The following RNGTT variants were observed in gnomAD, a reference collection of about 807,000 sequenced individuals.
RNGTT encodes mRNA-capping enzyme.
In RNGTT, 33 loss-of-function variants were observed where a neutral mutation model predicts 79.3. The ratio of observed to expected loss-of-function variants is 0.42; its 90% confidence interval spans 0.32 to 0.56. The LOEUF is 0.56. Among genes scored for constraint, RNGTT ranks in the 20% least tolerant of loss-of-function variants. The pLI is 0.17. For synonymous variants in RNGTT, 222 were observed against 235.9 expected, an observed-to-expected ratio of 0.94 and a Z score of 0.54; for missense variants, 497 against 739.1, an observed-to-expected ratio of 0.67 and a Z score of 3.80.
chr6:88,658,443 G>A (rs1190559038), intron 14 of RNGTT, among the ~76,000 whole-genome samples: 1 of 152,186 alleles, frequency 6.6e-6, no homozygotes, highest in Non-Finnish European at 1.5e-5. Flanking sequence ...ACACTCCCCA[G>A]CACTAGCCAG....
chr6:88,853,737 A>G lies in RNGTT; in HGVS notation c.924T>C (p.Asn308=), dbSNP rs749566754. Residue 308 remains asparagine (N), a synonymous_variant, in exon 9 of 16, where the codon AAT becomes AAC. Coordinates refer to ENST00000369485, the MANE Select transcript of RNGTT (RefSeq NM_003800.5). ...TRYMMLIDGT[N]EVFMIDRDNS... ...TGTCTCTATCAATCATAAAAACTTC[A>G]TTTGTGCCATCAATCAACATCATGT... 6.4e-6 allele frequency: 10 copies of G among 1,567,804 alleles called. No individual in the cohort carries two copies. In the South Asian group the frequency reaches 9.1e-5, roughly 14 times the overall value.
chr6:88,876,872 T>G (rs1440517318), intron 8 of RNGTT, among the ~76,000 whole-genome samples: 2 of 152,244 alleles, frequency 1.3e-5, no homozygotes, highest in Non-Finnish European at 2.9e-5. Flanking sequence ...TCTGCTCAGC[T>G]CTAAGAGTTC....
rs1472644467 is a variant in RNGTT, at chr6:88,642,892, T to C, written c.1507-28497A>G. ...GTACAATTAAAGTCATGTAATTGTT[T>C]ATGCCAGAGCTAAGTTTGAAAAAAT... On this transcript the variant is annotated intron_variant, in intron 14 of 15. Transcript: ENST00000369485. 2.0e-5 allele frequency among the ~76,000 whole-genome samples: 3 copies of C among 152,232 alleles called. No homozygotes were observed. The East Asian group carries it at 5.8e-4, about 29-fold the overall frequency.
chr6:88,784,949 C>G (rs1779180902), intron 12 of RNGTT, among the ~76,000 whole-genome samples: 1 of 151,916 alleles, frequency 6.6e-6, no homozygotes. Flanking sequence ...TATAAAGAAA[C>G]TGGGAAGAAG....
At chr6:88,787,613 C>A (rs942644043) in intron 12 of RNGTT, among the ~76,000 whole-genome samples, 1 of 151,516 alleles carries the variant, frequency 6.6e-6, no homozygotes, top group Non-Finnish European at 1.5e-5. Flanking sequence ...GAGCCCAGAT[C>A]GCGTCACTGC....
At chr6:88,670,316 T>G (rs1418350856) in intron 14 of RNGTT, among the ~76,000 whole-genome samples, 1 of 152,196 alleles carries the variant, frequency 6.6e-6, no homozygotes, top group African/African-American at 2.4e-5. Flanking sequence ...ACCTGCTTGT[T>G]GCTCCCCTGC....
chr6:88,824,247 G>T lies in RNGTT; in HGVS notation c.1269+20110C>A, dbSNP rs372917794. Reference sequence around the variant, plus strand: ...AGATGGTCCAGCCAACTATACACTAGGCTATACAATATACAGCCTATTGCT... The same window carrying T: ...AGATGGTCCAGCCAACTATACACTATGCTATACAATATACAGCCTATTGCT... On this transcript the variant is annotated intron_variant, in intron 11 of 15. Coordinates refer to ENST00000369485, the MANE Select transcript of RNGTT (RefSeq NM_003800.5). Among the ~76,000 whole-genome samples the T allele has an allele frequency of 2.6e-5, 4 of 152,108 alleles. No homozygotes were observed. The South Asian group carries it at 8.3e-4, about 32-fold the overall frequency.
At chr6:88,731,960 C>T (rs1482306648) in intron 13 of RNGTT, among the ~76,000 whole-genome samples, 6 of 151,746 alleles carry the variant, frequency 4.0e-5, no homozygotes, top group African/African-American at 1.5e-4. Context: ...AGGAAGAGAA[C>T]ATATATATAT....
intron 14 of RNGTT, among the ~76,000 whole-genome samples, chr6:88,657,343 A>C (rs190774752): frequency 1.7e-3 from 256 of 152,258 alleles, no homozygotes; most frequent in Middle Eastern, 6.8e-3. Flanking sequence ...AAAGTAGAAG[A>C]AGCAGCAGGA....
chr6:88,768,896 C>CT (rs1466661272), intron 13 of RNGTT, among the ~76,000 whole-genome samples: 8 of 152,080 alleles, frequency 5.3e-5, no homozygotes, highest in Non-Finnish European at 1.0e-4. Context: ...AAAATTAACA[C>CT]TTAATAGACA....
chr6:88,645,735 C>G (rs1439547955), intron 14 of RNGTT, among the ~76,000 whole-genome samples: 4 of 152,110 alleles, frequency 2.6e-5, no homozygotes, highest in Non-Finnish European at 4.4e-5. Context: ...ACAAACCTGA[C>G]AAAAACAAGA....
chr6:88,906,426 G>A lies in RNGTT; in HGVS notation c.382C>T (p.His128Tyr), dbSNP rs1783656502. 6.3e-7 allele frequency: 1 copy of A among 1,593,980 alleles called. No individual in the cohort carries two copies. The highest frequency in any genetic ancestry group is 1.3e-5 in the African/African-American group (1 of 74,262). The change falls in exon 5 of 16, where the codon CAT (histidine) becomes TAT (tyrosine). Residue 128 changes from histidine (H) to tyrosine (Y), a missense_variant. His to Tyr is a moderately conservative substitution (Grantham distance 83, BLOSUM62 2). Coordinates refer to ENST00000369485, the MANE Select transcript of RNGTT (RefSeq NM_003800.5). ...PPELIGVHCT[H>Y]GFNRTGFLIC... ...AGGAAACCAGTGCGATTGAAGCCAT[G>A]AGTACAATGAACACCTAGAAAATAA... is the stretch of plus-strand genomic sequence containing the variant.
chr6:88,629,044 G>A (rs79437125), intron 14 of RNGTT, among the ~76,000 whole-genome samples: 3,036 of 152,204 alleles, frequency 0.02, 105 homozygotes, highest in African/African-American at 0.068. Flanking sequence ...AGCCTCAAGT[G>A]CCATGTGTTG....
rs556307900 is a variant in RNGTT, at chr6:88,924,988, T to C, written c.367+3997A>G. Reference sequence around the variant, plus strand: ...CTCCCATCTTAGCCTCCCAAAGTGCTGAGATAACAATGGTGAGCCACTATA... The same window carrying C: ...CTCCCATCTTAGCCTCCCAAAGTGCCGAGATAACAATGGTGAGCCACTATA... On this transcript the variant is annotated intron_variant, in intron 4 of 15. Coordinates refer to ENST00000369485, the MANE Select transcript of RNGTT (RefSeq NM_003800.5). Among the ~76,000 whole-genome samples the C allele has an allele frequency of 7.2e-5, 11 of 152,260 alleles. No individual in the cohort carries two copies. In the South Asian group the frequency reaches 8.3e-4, roughly 11 times the overall value.
chr6:88,872,007 C>T (rs563179090), intron 8 of RNGTT, among the ~76,000 whole-genome samples: 22 of 152,220 alleles, frequency 1.4e-4, no homozygotes, highest in African/African-American at 5.1e-4. Flanking sequence ...AGCCTATTCT[C>T]CACCTTCCCT....
intron 4 of RNGTT, among the ~76,000 whole-genome samples, chr6:88,906,891 T>C (rs1314436626): frequency 6.6e-6 from 1 of 152,190 alleles, no homozygotes; most frequent in East Asian, 1.9e-4. Context: ...AAATCCTATT[T>C]TCTAAAATCC....
chr6:88,713,592 T>C (rs1776393576), intron 13 of RNGTT, among the ~76,000 whole-genome samples: 1 of 152,200 alleles, frequency 6.6e-6, no homozygotes, highest in South Asian at 2.1e-4. Flanking sequence ...ATATATAAAG[T>C]GCAGATATAG....
At chr6:88,701,204 A>G (rs1775934178) in intron 13 of RNGTT, among the ~76,000 whole-genome samples, 1 of 152,132 alleles carries the variant, frequency 6.6e-6, no homozygotes, top group Admixed American at 6.5e-5. Flanking sequence ...ATAATTAGCA[A>G]AGATGAGTAA....
intron 14 of RNGTT, among the ~76,000 whole-genome samples, chr6:88,645,570 A>C (rs1234692122): frequency 1.3e-5 from 2 of 152,244 alleles, no homozygotes; most frequent in Non-Finnish European, 2.9e-5. Flanking sequence ...AAAAGAACAA[A>C]GCTGGAGGCA....
Sources: allele counts gnomAD v4.1 joint callset (sites outside exome capture counted in the v4.1 genomes callset), GRCh38; gene constraint gnomAD v4.1.1; transcripts MANE v1.5; gene names NCBI Gene and HGNC (gene_info 2026-07-23, HGNC 2026-07-21).